Variants in TSEN2 observed in about 807,000 individuals in gnomAD.
TSEN2 encodes tRNA splicing endonuclease subunit 2.
TSEN2 carries 54 observed loss-of-function variants against 59.2 expected under a neutral mutation model. The ratio of observed to expected loss-of-function variants is 0.91; its 90% CI spans 0.73 to 1.14. TSEN2 has a LOEUF of 1.14. TSEN2 is among the 50% of genes most tolerant of loss of function. The pLI, the probability that TSEN2 is intolerant of heterozygous loss-of-function variation, is 0.00. For missense variants in TSEN2, 636 were observed against 576.2 expected (o/e 1.10, Z -1.06); for synonymous variants, 195 against 198.2 (o/e 0.98, Z 0.14).
intron 10 of TSEN2, chr3:12,539,056 C>T: frequency 2.5e-6 from 1 of 402,502 alleles, no homozygotes; most frequent in South Asian, 1.8e-5. Flanking sequence ...AAGGAGTGAC[C>T]ATTTCCTGAT....
At chr3:12,487,763 A>C (rs568678168) in intron 1 of TSEN2, among the ~76,000 whole-genome samples, 1 of 152,384 alleles carries the variant, frequency 6.6e-6, no homozygotes, top group South Asian at 2.1e-4. Context: ...GCCTAGTCTA[A>C]ATATGCTCTT....
chr3:12,501,307 C>A (rs1462985459), intron 4 of TSEN2, among the ~76,000 whole-genome samples: 1 of 152,202 alleles, frequency 6.6e-6, no homozygotes, highest in Non-Finnish European at 1.5e-5. Flanking sequence ...AAGTAATTTG[C>A]ATTGCCACAC....
At chr3:12,511,991 G>A (rs2055520994) in intron 6 of TSEN2, among the ~76,000 whole-genome samples, 1 of 152,204 alleles carries the variant, frequency 6.6e-6, no homozygotes, top group Non-Finnish European at 1.5e-5. Context: ...GATGAAATGG[G>A]AAGAAAATAT....
At chr3:12,524,969 C>T (rs2056964726) in intron 8 of TSEN2, among the ~76,000 whole-genome samples, 1 of 152,080 alleles carries the variant, frequency 6.6e-6, no homozygotes, top group South Asian at 2.1e-4. Context: ...GTCTCGAACT[C>T]CTGGCCTCAG....
chr3:12,505,007 A>G (rs1193744123), intron 5 of TSEN2, 147 bp from the exon 6 acceptor site: 1 of 658,614 alleles, frequency 1.5e-6, no homozygotes, highest in Non-Finnish European at 2.8e-6. Context: ...TCTCAAAAAA[A>G]TTGTGTTTTA....
At chr3:12,522,422 CAG>C (rs1413779693) in intron 8 of TSEN2, among the ~76,000 whole-genome samples, 1 of 142,796 alleles carries the variant, frequency 7.0e-6, no homozygotes, top group African/African-American at 3.1e-5. Flanking sequence ...GACCCACACA[CAG>C]AGTCAGACTG....
intron 9 of TSEN2, among the ~76,000 whole-genome samples, chr3:12,529,189 A>T (rs2057302155): frequency 6.6e-6 from 1 of 152,190 alleles, no homozygotes; most frequent in Non-Finnish European, 1.5e-5. Flanking sequence ...CACTTAGGCC[A>T]GGTGCGGTGG....
At chr3:12,496,916 G>A (rs2053805280) in intron 4 of TSEN2, among the ~76,000 whole-genome samples, 2 of 152,086 alleles carry the variant, frequency 1.3e-5, no homozygotes, top group South Asian at 4.1e-4. Context: ...TACACTGTAG[G>A]GTCAGAGAAA....
chr3:12,489,061 C>T lies in TSEN2; in HGVS notation c.-17-723C>T, dbSNP rs2016649. ...AACTGTAAGATAGAGTCGTTCTTAT[C>T]TTGATTTTGCAGGTGAGGAAACTAA... On this transcript the variant is annotated intron_variant, in intron 1 of 11. Coordinates refer to ENST00000284995, the MANE Select transcript of TSEN2 (RefSeq NM_025265.4). Among the ~76,000 whole-genome samples the T allele has an allele frequency of 4.8e-3, 717 of 148,162 alleles. 15 individuals carry two copies. The highest frequency in any genetic ancestry group is 0.041 in the Admixed American group (611 of 14,930).
intron 2 of TSEN2, among the ~76,000 whole-genome samples, chr3:12,491,029 C>G (rs560065053): frequency 6.6e-6 from 1 of 152,226 alleles, no homozygotes; most frequent in South Asian, 2.1e-4. Context: ...CTTACCCTGT[C>G]ACCCAGACTA....
At chr3:12,493,241 C>T (rs961145834) in intron 3 of TSEN2, among the ~76,000 whole-genome samples, 3 of 152,158 alleles carry the variant, frequency 2.0e-5, no homozygotes, top group African/African-American at 4.8e-5. Flanking sequence ...TTTGCATACA[C>T]GTATCTGAGT....
chr3:12,519,110 A>G lies in TSEN2; in HGVS notation c.1012A>G (p.Thr338Ala). The G allele has an allele frequency of 6.2e-7, 1 of 1,614,250 alleles. No individual in the cohort carries two copies. Among genetic ancestry groups the G allele is most frequent in the Non-Finnish European group, 8.5e-7 (1 of 1,180,028 alleles). The change falls in exon 8 of 12, where the codon ACG becomes GCG. Residue 338 changes from threonine to alanine, a missense_variant. By Grantham distance (58) the Thr-to-Ala change is moderately conservative (BLOSUM62 0). Transcript: ENST00000284995. ...GAAAGCTTTCACTGTAGTTCAGCCC[A>G]CGTTCAGAACCACCTACATGGCCTA... is the stretch of plus-strand genomic sequence containing the variant. ...LWKAFTVVQP[T>A]FRTTYMAYHY... is the part of the protein sequence containing the mutation.
rs140979604 is a variant in TSEN2 at position 12,505,194 on chromosome 3, A to G, written c.872A>G (p.Tyr291Cys). The G allele has an allele frequency of 1.5e-4, 237 of 1,612,184 alleles. 3 individuals are homozygous for G. Among genetic ancestry groups the G allele is most frequent in the Middle Eastern group, 1.3e-3 (8 of 6,058 alleles). The change falls in exon 6 of 12, where the codon TAT becomes TGT. Residue 291 changes from tyrosine (Y) to cysteine (C), a missense_variant. By Grantham distance (194) the Tyr-to-Cys change is radical (BLOSUM62 -2). Transcript: ENST00000284995. Reference sequence around the variant, plus strand: ...AGGTTAATATGCAGAAGAAATCCATATAGGATCTTTGAGTATTTGCAACTC... The same window carrying G: ...AGGTTAATATGCAGAAGAAATCCATGTAGGATCTTTGAGTATTTGCAACTC... ...RNRLICRRNP[Y>C]RIFEYLQLSL...
chr3:12,531,203 C>T (rs1193523913), intron 10 of TSEN2: 6 of 167,486 alleles, frequency 3.6e-5, no homozygotes, highest in African/African-American at 3.2e-4. Context: ...ATTGTGGGAA[C>T]TACAAGATGA....
intron 10 of TSEN2, 191 bp downstream of exon 10, chr3:12,530,064 T>TA: frequency 2.1e-6 from 3 of 1,431,378 alleles, no homozygotes; most frequent in Non-Finnish European, 2.7e-6. Context: ...CCCCTCATGT[T>TA]ACATTTTATT....
chr3:12,487,005 C>T (rs1267361512), intron 1 of TSEN2, among the ~76,000 whole-genome samples: 4 of 152,192 alleles, frequency 2.6e-5, no homozygotes, highest in Non-Finnish European at 4.4e-5. Flanking sequence ...CATTCACATA[C>T]AAATTTTTCC....
chr3:12,490,468 T>C (rs2053105198), intron 2 of TSEN2, among the ~76,000 whole-genome samples: 1 of 152,218 alleles, frequency 6.6e-6, no homozygotes, highest in Non-Finnish European at 1.5e-5. Context: ...TGGGGACCTC[T>C]TCTCAGATGA....
intron 6 of TSEN2, among the ~76,000 whole-genome samples, chr3:12,509,406 G>T (rs1008845013): frequency 2.6e-5 from 4 of 152,012 alleles, no homozygotes; most frequent in Non-Finnish European, 5.9e-5. Flanking sequence ...CGCCATGTTG[G>T]TCAGGCTACT....
downstream of TSEN2, among the ~76,000 whole-genome samples, chr3:12,534,968 A>AAAAAAC (rs1430157099): frequency 1.3e-5 from 2 of 152,078 alleles, no homozygotes; most frequent in Non-Finnish European, 2.9e-5. Flanking sequence ...AGACTCCATT[A>AAAAAAC]AAAAACAAAA....
Sources: allele counts gnomAD v4.1 joint callset (sites outside exome capture counted in the v4.1 genomes callset), GRCh38; gene constraint gnomAD v4.1.1; transcripts MANE v1.5; gene names NCBI Gene and HGNC (gene_info 2026-07-23, HGNC 2026-07-21).